Variants in SSC5D observed in about 807,000 individuals in gnomAD.
The protein encoded by SSC5D is soluble scavenger receptor cysteine-rich domain-containing protein SSC5D.
In SSC5D, 106 loss-of-function variants were observed where a neutral mutation model predicts 104.6. The observed-to-expected ratio is 1.01, with a 90% confidence interval of 0.87 to 1.19. The LOEUF (loss-of-function observed/expected upper bound fraction) is 1.19, where lower values mean the gene tolerates loss of function less well. Among genes scored for constraint, SSC5D ranks in the 50% most tolerant of loss-of-function variants. SSC5D has a pLI of 0.00. For synonymous variants in SSC5D, 860 were observed against 883.5 expected (o/e 0.97, Z 0.47); for missense variants, 1,993 against 2,153.8 (o/e 0.93, Z 1.48).
Position 55,517,591 on chromosome 19 carries a change from G to C in SSC5D, c.3315G>C (p.Pro1105=), listed in dbSNP as rs551204773. 1.3e-6 allele frequency: 2 copies of C among 1,551,286 alleles called. No individual in the cohort carries two copies. Among genetic ancestry groups the C allele is most frequent in the Non-Finnish European group, 1.7e-6 (2 of 1,146,998 alleles). The part of the protein sequence containing the change: ...PKELTSDPST[P]SEVTSLSPTS... ...AGCTGACCTCTGACCCTTCTACACCGTCGGAGGTGACCAGCCTTTCCCCTA... is the reference window on the plus strand; with the variant it reads ...AGCTGACCTCTGACCCTTCTACACCCTCGGAGGTGACCAGCCTTTCCCCTA... The change falls in exon 14 of 14, where the codon CCG becomes CCC. Residue 1105 remains proline (P), a synonymous_variant. Transcript: ENST00000389623.
intron 12 of SSC5D, among the ~76,000 whole-genome samples, chr19:55,511,713 C>T (rs1476356602): frequency 1.3e-5 from 2 of 151,940 alleles, no homozygotes; most frequent in African/African-American, 2.4e-5. Context: ...TCGTGTAGGA[C>T]GAGACGATGC....
chr19:55,498,313 GT>G, intron 9 of SSC5D, 116 bp downstream of exon 9: 1 of 1,086,224 alleles, frequency 9.2e-7, no homozygotes, highest in Non-Finnish European at 1.3e-6. Flanking sequence ...TGTGCTGGGT[GT>G]TTTTGCACAT....
chr19:55,493,073 C>A (rs1378091680), intron 6 of SSC5D, among the ~76,000 whole-genome samples: 1 of 152,118 alleles, frequency 6.6e-6, no homozygotes, highest in East Asian at 1.9e-4. Context: ...ATCCTAAGGC[C>A]AGCGAGAGGT....
rs35416360 is a variant in SSC5D at position 55,499,993 on chromosome 19, C to T, written c.1883C>T (p.Thr628Ile). The part of the protein sequence containing the change: ...TKAPGKMPKS[T>I]KKWVTKNAKR... ...GCCCCAGGGAAAATGCCTAAGAGTA[C>T]TAAGAAGTGGGTGACAAAAAATGCA... Residue 628 changes from threonine to isoleucine, a missense_variant, in exon 10 of 14, where the codon ACT (threonine) becomes ATT (isoleucine). Transcript: ENST00000389623. 2.0e-4 allele frequency: 305 copies of T among 1,551,900 alleles called. No individual in the cohort carries two copies. The African/African-American group carries it at 4.0e-3, about 20-fold the overall frequency.
At chr19:55,506,442 T>G (rs1282891952) in intron 12 of SSC5D, among the ~76,000 whole-genome samples, 1 of 126,670 alleles carries the variant, frequency 7.9e-6, no homozygotes, top group Non-Finnish European at 1.6e-5. Flanking sequence ...TCGCCCAGGC[T>G]GGAGTGCAGT....
intron 7 of SSC5D, among the ~76,000 whole-genome samples, chr19:55,494,250 A>G (rs2123434258): frequency 6.6e-6 from 1 of 152,242 alleles, no homozygotes; most frequent in South Asian, 2.1e-4. Context: ...AGAACAGTCC[A>G]GCCCCAAATG....
chr19:55,513,297 A>C, intron 13 of SSC5D, 125 bp downstream of exon 13: 12 of 1,019,870 alleles, frequency 1.2e-5, no homozygotes, highest in South Asian at 1.9e-5. Flanking sequence ...CCCTAAAACA[A>C]AGGGTTATCG....
chr19:55,497,997 C>G lies in SSC5D; in HGVS notation c.1505C>G (p.Ala502Gly), dbSNP rs1484838561. 3.9e-6 allele frequency: 6 copies of G among 1,551,806 alleles called. No individual in the cohort carries two copies. In the Admixed American group the frequency reaches 7.8e-5, roughly 20 times the overall value. ...GATAGCTGGGACATGCGGGATTCAG[C>G]TGTGGTCTGCCGGGAGCTGGGCTGT... is the stretch of plus-strand genomic sequence containing the variant. Reference protein sequence around the residue: ...CDDSWDMRDSAVVCRELGCGG... With the variant: ...CDDSWDMRDSGVVCRELGCGG... The change falls in exon 9 of 14, where the codon GCT becomes GGT. Residue 502 changes from alanine (A) to glycine (G), a missense_variant. Coordinates refer to ENST00000389623, the MANE Select transcript of SSC5D (RefSeq NM_001144950.2).
In SSC5D at chr19:55,500,087, C is replaced by A; in HGVS notation, c.1977C>A (p.Asp659Glu). 6.4e-7 allele frequency: 1 copy of A among 1,551,684 alleles called. No homozygotes were observed. The highest frequency in any genetic ancestry group is 8.7e-7 in the Non-Finnish European group (1 of 1,146,866). The change falls in exon 10 of 14, where the codon GAC (aspartate) becomes GAA (glutamate). Residue 659 changes from aspartate (D) to glutamate (E), a missense_variant. This residue lies in a region of SSC5D where 1,101 missense variants were observed against 1,085.0 expected (regional missense o/e 1.01). Transcript: ENST00000389623. This position sits in a 1 kb window ranked among gnomAD's most constrained non-coding sequence, Gnocchi z 4.6. Reference protein sequence around the residue: ...TKHSRAQSPPDLTSQTTAALT... With the variant: ...TKHSRAQSPPELTSQTTAALT... ...ACTCCAGGGCCCAAAGCCCCCCAGA[C>A]CTAACCTCACAGACCACTGCAGCAC... is the stretch of plus-strand genomic sequence containing the variant.
Position 55,489,392 on chromosome 19 carries a change from G to A in SSC5D, c.91G>A (p.Gly31Ser). The A allele has an allele frequency of 1.3e-6, 2 of 1,483,840 alleles. No individual in the cohort carries two copies. Among genetic ancestry groups the A allele is most frequent in the Non-Finnish European group, 1.8e-6 (2 of 1,124,214 alleles). The allele number at this position is 1,483,840 out of a possible 1,614,324, so 91.9% of individuals were successfully genotyped here. ...RLADGPHGCAGRLEVWHGGRW... is the reference protein window; with the variant it reads ...RLADGPHGCASRLEVWHGGRW... The stretch of plus-strand genomic sequence containing the variant: ...GGCCGATGGCCCCCATGGGTGCGCT[G>A]GCCGCCTGGAGGTCTGGCATGGCGG... The change falls in exon 3 of 14, where the codon GGC becomes AGC. Residue 31 changes from glycine to serine, a missense_variant. Gly to Ser is a moderately conservative substitution (Grantham distance 56). This residue lies in a region of SSC5D where 1,101 missense variants were observed against 1,085.0 expected (regional missense o/e 1.01). Coordinates refer to ENST00000389623, the MANE Select transcript of SSC5D (RefSeq NM_001144950.2).
In SSC5D at chr19:55,502,356, A is replaced by G. The variant is rs796893461; in HGVS notation, c.2785+1155A>G. 2.1e-5 allele frequency among the ~76,000 whole-genome samples: 3 copies of G among 143,754 alleles called. No homozygotes were observed. The South Asian group carries it at 6.6e-4, about 32-fold the overall frequency. 94.3% of individuals were successfully genotyped at this position (143,754 alleles called of 152,430 possible). On this transcript the variant is annotated intron_variant, in intron 12 of 13. Coordinates refer to ENST00000389623, the MANE Select transcript of SSC5D (RefSeq NM_001144950.2). ...TTTGCTCTCTCTCACCATCTTTCTCATTTTTTTTCTTTCGTTGTCAGTTTC... is the reference window on the plus strand; with the variant it reads ...TTTGCTCTCTCTCACCATCTTTCTCGTTTTTTTTCTTTCGTTGTCAGTTTC...
chr19:55,493,995 T>TGGGGGGGGCCCCCCCCCCCCC, intron 7 of SSC5D, 83 bp downstream of exon 7: 1 of 206,968 alleles, frequency 4.8e-6, no homozygotes, highest in East Asian at 1.8e-4. Context: ...GGCGGGGGGG[T>TGGGGGGGGCCCCCCCCCCCCC]CCCTACGCGC....
In SSC5D at chr19:55,519,019, G is replaced by A; in HGVS notation, c.*21G>A. On this transcript the variant is annotated 3_prime_UTR_variant, in exon 14 of 14. Coordinates refer to ENST00000389623, the MANE Select transcript of SSC5D (RefSeq NM_001144950.2). Reference sequence around the variant, plus strand: ...TGTGACCCTCTCCAGGATTTGAGGGGCTTAAGACACCCCCAACCAAAAAAA... The same window carrying A: ...TGTGACCCTCTCCAGGATTTGAGGGACTTAAGACACCCCCAACCAAAAAAA... 6.5e-7 allele frequency: 1 copy of A among 1,539,880 alleles called. No homozygotes were observed. The highest frequency in any genetic ancestry group is 8.7e-7 in the Non-Finnish European group (1 of 1,143,396).
Position 55,518,576 on chromosome 19 carries a change from C to T in SSC5D, c.4300C>T (p.Leu1434Phe). 6.5e-7 allele frequency: 1 copy of T among 1,543,794 alleles called. No individual in the cohort carries two copies. The highest frequency in any genetic ancestry group is 8.7e-7 in the Non-Finnish European group (1 of 1,143,094). Reference sequence around the variant, plus strand: ...CCATACCCCACACTCAGCCTCTGACCTTACTGTGTCCCCTGACCCCCTCCT... The same window carrying T: ...CCATACCCCACACTCAGCCTCTGACTTTACTGTGTCCCCTGACCCCCTCCT... ...PTHTPHSASD[L>F]TVSPDPLLSP... The change falls in exon 14 of 14, where the codon CTT (leucine) becomes TTT (phenylalanine). Residue 1434 changes from leucine to phenylalanine, a missense_variant. Leu to Phe is a conservative substitution (Grantham distance 22). Around this residue, in one of 6 missense-constraint regions of SSC5D, gnomAD observed 349 missense variants for 397.6 expected, o/e 0.88. Coordinates refer to ENST00000389623, the MANE Select transcript of SSC5D (RefSeq NM_001144950.2).
chr19:55,517,127 C>G (rs1447100673), intron 13 of SSC5D, 97 bp from the exon 14 acceptor site: 1 of 1,171,180 alleles, frequency 8.5e-7, no homozygotes, highest in Non-Finnish European at 1.2e-6. Context: ...GGCTCTGTGC[C>G]TTTCCATTGG....
intron 12 of SSC5D, chr19:55,504,039 A>T (rs932591221): frequency 1.8e-5 from 25 of 1,394,778 alleles, no homozygotes; most frequent in Non-Finnish European, 2.4e-5. Context: ...GGGAGGGAGG[A>T]AGCAGGCCCT....
At chr19:55,513,231 C>G in intron 13 of SSC5D, 59 bp downstream of exon 13, 1 of 1,410,982 alleles carries the variant, frequency 7.1e-7, no homozygotes, top group Non-Finnish European at 9.4e-7. Flanking sequence ...GGTAAAGAGA[C>G]AGATTCCAGA....
Position 55,493,617 on chromosome 19 carries a change from G to T in SSC5D, c.918G>T (p.Leu306=). 6.8e-7 allele frequency: 1 copy of T among 1,472,676 alleles called. No homozygotes were observed. The highest frequency in any genetic ancestry group is 1.5e-5 in the African/African-American group (1 of 68,042). 91.2% of individuals were successfully genotyped at this position (1,472,676 alleles called of 1,614,324 possible). A position where few individuals can be genotyped will look rare whatever the true frequency, so the allele number is the denominator to read the frequency against. ...CAGGCCCAGCACCTCGGCTGCGCCT[G>T]GCCGATGGCCCCCACGGGTGCGCCG... ...VCTGPAPRLR[L]ADGPHGCAGR... is the part of the protein sequence containing the mutation. Residue 306 remains leucine (L), a synonymous_variant, in exon 7 of 14, where the codon CTG becomes CTT. Transcript: ENST00000389623.
intron 9 of SSC5D, 100 bp downstream of exon 9, chr19:55,498,297 C>CA: frequency 7.8e-7 from 1 of 1,279,192 alleles, no homozygotes; most frequent in African/African-American, 1.5e-5. Flanking sequence ...TCCTAAGCCC[C>CA]AGCCCTGTGC....
Sources: allele counts gnomAD v4.1 joint callset (sites outside exome capture counted in the v4.1 genomes callset), GRCh38; gene constraint gnomAD v4.1.1; regional missense constraint gnomAD v4.1.1; non-coding constraint Gnocchi (gnomAD v3.1); transcripts MANE v1.5; gene names NCBI Gene and HGNC (gene_info 2026-07-23, HGNC 2026-07-21).